The following TBCD variants were observed in gnomAD, a reference collection of about 807,000 sequenced individuals.
TBCD encodes the protein tubulin-specific chaperone D.
A neutral mutation model predicts 169.3 loss-of-function variants in TBCD; 105 were observed. The ratio of observed to expected loss-of-function variants is 0.62; its 90% CI spans 0.53 to 0.73. The LOEUF is 0.73. TBCD is among the 30% of genes least tolerant of loss of function. The pLI is 0.00. For synonymous variants in TBCD, 700 were observed against 643.9 expected (o/e 1.09, Z -1.32); for missense variants, 1,444 against 1,600.1 (o/e 0.90, Z 1.66).
At chr17:82,847,246 G>T (rs558354135) in intron 13 of TBCD, among the ~76,000 whole-genome samples, 1 of 151,750 alleles carries the variant, frequency 6.6e-6, no homozygotes, top group Non-Finnish European at 1.5e-5. Flanking sequence ...CCAACTACTC[G>T]GGAGGCTGAG....
rs756698422 is a variant in TBCD, at chr17:82,941,488, C to T, written c.3564+5C>T. On this transcript the variant is annotated splice_donor_5th_base_variant and intron_variant, in intron 38 of 38. Coordinates refer to ENST00000355528, the MANE Select transcript of TBCD (RefSeq NM_005993.5). Reference sequence around the variant, plus strand: ...AGGCCCCAGCTGGTGCCCCAGGTAACCCTGTCACCTTCACAGCATGAGGTG... The same window carrying T: ...AGGCCCCAGCTGGTGCCCCAGGTAATCCTGTCACCTTCACAGCATGAGGTG... 1.3e-6 allele frequency: 2 copies of T among 1,587,270 alleles called. No individual in the cohort carries two copies.
At chr17:82,762,239 C>A (rs1286624399) in intron 2 of TBCD, among the ~76,000 whole-genome samples, 1 of 145,856 alleles carries the variant, frequency 6.9e-6, no homozygotes, top group Non-Finnish European at 1.5e-5. Context: ...TTGCTTGAAC[C>A]CGGGAGGTGG....
intron 13 of TBCD, among the ~76,000 whole-genome samples, chr17:82,849,559 A>G (rs941737114): frequency 6.6e-6 from 1 of 152,172 alleles, no homozygotes; most frequent in African/African-American, 2.4e-5. Flanking sequence ...GTTCATTTCA[A>G]GCTCTGAAAG....
chr17:82,875,798 G>A (rs1449239852), intron 14 of TBCD, among the ~76,000 whole-genome samples: 3 of 152,002 alleles, frequency 2.0e-5, no homozygotes, highest in Admixed American at 6.5e-5. Context: ...CCATTACCGA[G>A]CAGAGTCCTA....
chr17:82,842,240 A>G (rs922417170), intron 13 of TBCD, among the ~76,000 whole-genome samples: 1 of 152,024 alleles, frequency 6.6e-6, no homozygotes, highest in Non-Finnish European at 1.5e-5. Context: ...TGTACCTTCC[A>G]CCCTCTACCC....
chr17:82,933,273 C>T (rs967614934), intron 34 of TBCD, among the ~76,000 whole-genome samples: 1,329 of 114,564 alleles, frequency 0.012, 11 homozygotes, highest in South Asian at 0.051. Flanking sequence ...TTGGGCCAGT[C>T]TTTTTTTTTT....
At position 82,932,519 on chromosome 17, in the gene TBCD, C is replaced by G. The variant is rs566013949; in HGVS notation, c.3114-139C>G. The G allele has an allele frequency of 3.2e-5, 23 of 727,690 alleles. No homozygotes were observed. The South Asian group carries it at 3.2e-4, about 10-fold the overall frequency. The allele number at this position is 727,690 out of a possible 1,614,324, so 45.1% of individuals were successfully genotyped here. ...TCTTTCCACAGTTGTTTTGTCTTTT[C>G]CTGAAGCTTTGCGTTTCCACGTAAA... On this transcript the variant is annotated intron_variant, in intron 33 of 38. Coordinates refer to ENST00000355528, the MANE Select transcript of TBCD (RefSeq NM_005993.5).
chr17:82,919,879 G>T (rs573319454), intron 23 of TBCD, among the ~76,000 whole-genome samples: 1 of 152,112 alleles, frequency 6.6e-6, no homozygotes, highest in Non-Finnish European at 1.5e-5. Context: ...CCTTGTTCAC[G>T]GTGACAAAAA....
chr17:82,929,056 C>T, intron 30 of TBCD, 57 bp from the exon 31 acceptor site: 1 of 1,573,820 alleles, frequency 6.4e-7, no homozygotes, highest in Non-Finnish European at 8.6e-7. Flanking sequence ...GCTCAGTTTA[C>T]CGCCCGCTCT....
intron 6 of TBCD, among the ~76,000 whole-genome samples, chr17:82,775,695 C>G (rs2048553065): frequency 7.6e-6 from 1 of 132,400 alleles, no homozygotes; most frequent in South Asian, 2.3e-4. Flanking sequence ...TGAGTGCTGC[C>G]TTAGAAACCC....
rs1214011517 is a variant in TBCD at position 82,782,731 on chromosome 17, G to A, written c.771+1010G>A. On this transcript the variant is annotated intron_variant, in intron 7 of 38. Coordinates refer to ENST00000355528, the MANE Select transcript of TBCD (RefSeq NM_005993.5). This position sits in a 1 kb window ranked among gnomAD's most constrained non-coding sequence, Gnocchi z 5.1. The stretch of plus-strand genomic sequence containing the variant: ...TGTCCGTGGCGTCGTCCTCCTGTCC[G>A]CAGCATCGTCTTCCTATCCGCGGCA... Among the ~76,000 whole-genome samples, 3 of 151,652 alleles carry A rather than the reference G, an allele frequency of 2.0e-5. No individual in the cohort carries two copies. Among genetic ancestry groups the A allele is most frequent in the African/African-American group, 2.4e-5 (1 of 41,192 alleles).
rs919497068 is a variant in TBCD at position 82,880,509 on chromosome 17, G to A, written c.1476-3636G>A. Among the ~76,000 whole-genome samples the A allele has an allele frequency of 1.3e-5, 2 of 152,230 alleles. No homozygotes were observed. The highest frequency in any genetic ancestry group is 2.9e-5 in the Non-Finnish European group (2 of 68,040). On this transcript the variant is annotated intron_variant, in intron 14 of 38. Coordinates refer to ENST00000355528, the MANE Select transcript of TBCD (RefSeq NM_005993.5). This position sits in a 1 kb window ranked among gnomAD's most constrained non-coding sequence, Gnocchi z 5.0. ...GTGGGGACAGATATGCTGTGACCAG[G>A]GTAGTTGGGCTTATGACTTTGTTGT...
Position 82,903,463 on chromosome 17 carries a change from T to G in TBCD, c.1789T>G (p.Phe597Val). The G allele has an allele frequency of 6.3e-7, 1 of 1,597,678 alleles. No homozygotes were observed. The highest frequency in any genetic ancestry group is 1.7e-5 in the Admixed American group (1 of 57,896). The part of the protein sequence containing the change: ...LHNLAQQAPE[F>V]SATQVFPRLL... ...CAACCTGGCCCAGCAGGCACCCGAG[T>G]TCAGCGCCACGCAAGGTGGGTGTGT... Residue 597 changes from phenylalanine (F) to valine (V), a missense_variant, in exon 19 of 39, where the codon TTC becomes GTC. Physicochemically the swap from Phe to Val is conservative, Grantham distance 50 (BLOSUM62 -1). Transcript: ENST00000355528. This position sits in a 1 kb window ranked among gnomAD's most constrained non-coding sequence, Gnocchi z 4.8.
At chr17:82,841,320 C>T (rs1339224854) in intron 13 of TBCD, among the ~76,000 whole-genome samples, 1 of 148,106 alleles carries the variant, frequency 6.8e-6, no homozygotes, top group African/African-American at 2.5e-5. Context: ...TATTTAATTC[C>T]TTTTTTTTTT....
At chr17:82,901,507 G>A (rs1032387289) in intron 18 of TBCD, among the ~76,000 whole-genome samples, 12 of 151,890 alleles carry the variant, frequency 7.9e-5, no homozygotes, top group African/African-American at 1.2e-4. Context: ...CCTGGGGAGC[G>A]GCCCGGCTGC....
chr17:82,795,640 G>T, intron 7 of TBCD: 2 of 977,432 alleles, frequency 2.0e-6, no homozygotes, highest in Non-Finnish European at 2.4e-6. Context: ...ATTTGTTGTG[G>T]AACAACGTAC....
rs773733243 is a variant in TBCD, at chr17:82,930,563, C to T, written c.3033C>T (p.Gly1011=). Residue 1011 remains glycine (G), a synonymous_variant, in exon 33 of 39, where the codon GGC becomes GGT. Transcript: ENST00000355528. The surrounding 1 kb of genome is among the most constrained non-coding windows in gnomAD (Gnocchi z 5.2). ...AGAGCCTCTTTGAGTACATGAAGGG[C>T]ATTCAGAGCGACCCGCAGGCCCTGG... ...STQSLFEYMK[G]IQSDPQALGS... 1.9e-5 allele frequency: 30 copies of T among 1,613,870 alleles called. 1 individual carries two copies. The South Asian group carries it at 3.3e-4, about 18-fold the overall frequency.
At chr17:82,754,388 C>G (rs2143755487) in intron 1 of TBCD, among the ~76,000 whole-genome samples, 1 of 152,266 alleles carries the variant, frequency 6.6e-6, no homozygotes, top group African/African-American at 2.4e-5. Flanking sequence ...GTGTAGGTGT[C>G]AGACATGGAA....
intron 13 of TBCD, among the ~76,000 whole-genome samples, chr17:82,866,094 T>C (rs2057151373): frequency 6.6e-6 from 1 of 152,196 alleles, no homozygotes; most frequent in Admixed American, 6.5e-5. Flanking sequence ...TTTTGAAATT[T>C]TTTTCTGATA....
Sources: gnomAD v4.1 joint callset for allele counts (sites outside exome capture counted in the v4.1 genomes callset) on GRCh38, gnomAD v4.1.1 for gene constraint, Gnocchi (gnomAD v3.1) non-coding constraint, MANE v1.5 for transcripts, NCBI Gene and HGNC (gene_info 2026-07-23, HGNC 2026-07-21) for gene names.